The following RFC3 variants were observed in gnomAD, a reference collection of about 807,000 sequenced individuals.
RFC3 encodes A1 38 kDa subunit.
A neutral mutation model predicts 45.1 loss-of-function variants in RFC3; 41 were observed. The observed-to-expected ratio is 0.91, with a 90% CI of 0.71 to 1.18. The LOEUF is 1.18. Among genes scored for constraint, RFC3 ranks in the 50% most tolerant of loss-of-function variants. The probability of loss-of-function intolerance (pLI) is 0.00; values close to 1 mark genes in which losing one functional copy is unlikely to be tolerated. For missense variants in RFC3, 423 were observed against 428.1 expected (o/e 0.99, Z 0.10); for synonymous variants, 149 against 144.0 (o/e 1.03, Z -0.25).
chr13:33,915,232 C>T (rs2082725637), intron 8 of RFC3, among the ~76,000 whole-genome samples: 1 of 152,118 alleles, frequency 6.6e-6, no homozygotes, highest in Admixed American at 6.6e-5. Context: ...CTTTGTTTGG[C>T]TGTCATAGTT....
At chr13:33,936,330 G>T (rs2082886102) in intron 8 of RFC3, among the ~76,000 whole-genome samples, 1 of 152,042 alleles carries the variant, frequency 6.6e-6, no homozygotes, top group Non-Finnish European at 1.5e-5. Context: ...GGGTGGATTT[G>T]TATGGAGTAA....
chr13:33,926,654 A>G, intron 8 of RFC3, among the ~76,000 whole-genome samples: 1 of 151,884 alleles, frequency 6.6e-6, no homozygotes, highest in East Asian at 1.9e-4. Flanking sequence ...ATGGGTTAAA[A>G]CTTGTACCCT....
intron 8 of RFC3, among the ~76,000 whole-genome samples, chr13:33,938,543 G>A (rs1323367688): frequency 2.6e-5 from 4 of 151,948 alleles, no homozygotes; most frequent in Non-Finnish European, 4.4e-5. Context: ...GTCTGTTTTG[G>A]AAACTTATAC....
chr13:33,829,836 T>C lies in RFC3; in HGVS notation c.392T>C (p.Val131Ala), dbSNP rs2082084955. 2.5e-6 allele frequency: 4 copies of C among 1,613,260 alleles called. No homozygotes were observed. The South Asian group carries it at 4.4e-5, about 18-fold the overall frequency. The change falls in exon 5 of 9, where the codon GTG (valine) becomes GCG (alanine). Residue 131 changes from valine to alanine, a missense_variant and splice_region_variant. Transcript: ENST00000380071. The part of the protein sequence containing the change: ...LETNSQRDFK[V>A]VLLTEVDKLT... ...TTTGTTTTGTTTCTCTTTGACTCAGTGGTATTATTGACAGAAGTTGACAAA... is the reference window on the plus strand; with the variant it reads ...TTTGTTTTGTTTCTCTTTGACTCAGCGGTATTATTGACAGAAGTTGACAAA...
chr13:33,931,382 A>G (rs2082850951), intron 8 of RFC3, among the ~76,000 whole-genome samples: 2 of 152,048 alleles, frequency 1.3e-5, no homozygotes, highest in African/African-American at 4.8e-5. Flanking sequence ...TTGTTTCTGT[A>G]TAGGTCTGGT....
At chr13:33,934,601 T>C (rs1424998050) in intron 8 of RFC3, among the ~76,000 whole-genome samples, 2 of 152,156 alleles carry the variant, frequency 1.3e-5, no homozygotes. Flanking sequence ...AGATTCCCAG[T>C]TGCTTATTAC....
chr13:33,893,523 A>C (rs1000655576), intron 8 of RFC3, among the ~76,000 whole-genome samples: 5 of 152,138 alleles, frequency 3.3e-5, no homozygotes, highest in African/African-American at 1.2e-4. Context: ...TTCAATAGAC[A>C]GAATAAGGAA....
chr13:33,925,511 CATA>C (rs2082803710), intron 8 of RFC3, among the ~76,000 whole-genome samples: 1 of 92,570 alleles, frequency 1.1e-5, no homozygotes, highest in East Asian at 4.0e-4. Context: ...TACATACATA[CATA>C]GTGTACTATA....
At chr13:33,903,681 A>T (rs2082655092) in intron 8 of RFC3, among the ~76,000 whole-genome samples, 1 of 152,050 alleles carries the variant, frequency 6.6e-6, no homozygotes, top group Non-Finnish European at 1.5e-5. Context: ...GATTTAGCCC[A>T]GACCTTTCCT....
intron 8 of RFC3, among the ~76,000 whole-genome samples, chr13:33,949,662 G>A (rs10467362): frequency 0.06 from 9,180 of 152,150 alleles, 900 homozygotes; most frequent in African/African-American, 0.21. Flanking sequence ...TGATTAGGCC[G>A]CAGAGTGCCC....
At chr13:33,955,235 T>A (rs758237917) in intron 8 of RFC3, among the ~76,000 whole-genome samples, 1 of 152,178 alleles carries the variant, frequency 6.6e-6, no homozygotes, top group Admixed American at 6.5e-5. Flanking sequence ...GGAAGATTAA[T>A]GTGTGAAATT....
chr13:33,907,079 C>A (rs1389601566), intron 8 of RFC3, among the ~76,000 whole-genome samples: 1 of 152,072 alleles, frequency 6.6e-6, no homozygotes, highest in South Asian at 2.1e-4. Flanking sequence ...TTGCCTCAGC[C>A]TCTCAGAATG....
Position 33,951,290 on chromosome 13 carries a change from T to C in RFC3, c.880-14797T>C, listed in dbSNP as rs575671053. Among the ~76,000 whole-genome samples, 10 of 150,986 alleles carry C rather than the reference T, an allele frequency of 6.6e-5. No individual in the cohort carries two copies. The East Asian group carries it at 2.0e-3, about 30-fold the overall frequency. ...CTCTGTTGCCCAGGCTGGAGTGCAG[T>C]GGCGCGATCTCGGGTCACTGCAACC... On this transcript the variant is annotated intron_variant, in intron 8 of 8. Transcript: ENST00000434425.
At chr13:33,834,502 G>A (rs2082135470) in intron 7 of RFC3, among the ~76,000 whole-genome samples, 1 of 149,664 alleles carries the variant, frequency 6.7e-6, no homozygotes, top group East Asian at 2.0e-4. Context: ...AGGTTTGAAT[G>A]TTCCTATTCG....
chr13:33,823,982 T>TTCA lies in RFC3; in HGVS notation c.291_292insTCA (p.Ser98dup), dbSNP rs1231871314. The TTCA allele has an allele frequency of 1.0e-5, 15 of 1,502,686 alleles. No individual in the cohort carries two copies. Among genetic ancestry groups the TTCA allele is most frequent in the Admixed American group, 7.1e-5 (4 of 56,210 alleles). 93.1% of individuals were successfully genotyped at this position (1,502,686 alleles called of 1,614,324 possible). On this transcript the variant is annotated inframe_insertion and splice_region_variant, in exon 3 of 9. Coordinates refer to ENST00000380071, the MANE Select transcript of RFC3 (RefSeq NM_002915.4). The stretch of plus-strand genomic sequence containing the variant: ...GTAACTACCACCTTGAAGTTAATCC[T>TTCA]AGGTAAGTTACTACTATATAGAAAT...
rs926896852 is a variant in RFC3, at chr13:33,950,359, A to G, written c.880-15728A>G. 2.6e-5 allele frequency among the ~76,000 whole-genome samples: 4 copies of G among 152,166 alleles called. No individual in the cohort carries two copies. The East Asian group carries it at 7.7e-4, about 29-fold the overall frequency. On this transcript the variant is annotated intron_variant, in intron 8 of 8. Transcript: ENST00000434425. ...TAAGGAACTAGCAGTTTTAGCTAAC[A>G]TTGATTTTGCACTATTAGTAAAAAT...
intron 8 of RFC3, among the ~76,000 whole-genome samples, chr13:33,854,638 A>G (rs913790308): frequency 3.9e-5 from 6 of 152,122 alleles, no homozygotes; most frequent in African/African-American, 1.4e-4. Flanking sequence ...CAGGACTAAG[A>G]ATGGCTGCCC....
At chr13:33,887,240 C>T (rs1436165053) in intron 8 of RFC3, among the ~76,000 whole-genome samples, 2 of 149,158 alleles carry the variant, frequency 1.3e-5, no homozygotes, top group African/African-American at 5.0e-5. Context: ...AACTAGTTTA[C>T]AGTCCCACCA....
intron 8 of RFC3, among the ~76,000 whole-genome samples, chr13:33,895,923 C>T (rs1430377638): frequency 6.6e-6 from 1 of 152,058 alleles, no homozygotes; most frequent in Non-Finnish European, 1.5e-5. Context: ...AACCAAATAC[C>T]ATATAATCTC....
Sources: gnomAD v4.1 joint callset for allele counts (sites outside exome capture counted in the v4.1 genomes callset) on GRCh38, gnomAD v4.1.1 for gene constraint, MANE v1.5 for transcripts, NCBI Gene and HGNC (gene_info 2026-07-23, HGNC 2026-07-21) for gene names.